Variants in DNAH1 observed in about 807,000 individuals in gnomAD.
The protein encoded by DNAH1 is dynein axonemal heavy chain 1.
In DNAH1, 327 loss-of-function variants were observed where a neutral mutation model predicts 484.3. The ratio of observed to expected loss-of-function variants is 0.68; its 90% confidence interval spans 0.62 to 0.74. DNAH1 has a LOEUF of 0.74. Ranked by LOEUF, DNAH1 falls within the 30% of genes least tolerant of loss-of-function variation. DNAH1 has a pLI of 0.00. For synonymous variants in DNAH1, 2,192 were observed against 2,191.9 expected (o/e 1.00, Z 0.00); for missense variants, 5,052 against 5,546.8 (o/e 0.91, Z 2.83).
intron 51 of DNAH1, 100 bp downstream of exon 51, chr3:52,383,694 TGAG>T: frequency 1.4e-6 from 2 of 1,421,296 alleles, no homozygotes; most frequent in Non-Finnish European, 1.9e-6. Context: ...GGGCCTGAGA[TGAG>T]GAGACGCGGC....
In DNAH1 at chr3:52,350,005, G is replaced by A. The variant is rs376029297; in HGVS notation, c.2543G>A (p.Arg848His). Residue 848 changes from arginine (R) to histidine (H), a missense_variant, in exon 15 of 78, where the codon CGC becomes CAC. This residue lies in a region of DNAH1 where 1,263 missense variants were observed against 1,218.8 expected (regional missense o/e 1.04). Transcript: ENST00000420323. ...KEVDSICEEFRSISRKIYEKP... is the reference protein window; with the variant it reads ...KEVDSICEEFHSISRKIYEKP... ...CACTGCCAGATCTGCGAGGAGTTCC[G>A]CAGCATCAGCCGCAAGATCTATGAG... 319 of 1,610,658 alleles carry A rather than the reference G, an allele frequency of 2.0e-4. 6 individuals carry two copies. In the South Asian group the frequency reaches 2.8e-3, roughly 14 times the overall value.
At chr3:52,346,201 G>A (rs561768807) in intron 10 of DNAH1, among the ~76,000 whole-genome samples, 1 of 152,154 alleles carries the variant, frequency 6.6e-6, no homozygotes, top group African/African-American at 2.4e-5. Flanking sequence ...TCTGTCTCTC[G>A]CTCACGGCTG....
chr3:52,327,174 C>T (rs902518822), intron 5 of DNAH1, among the ~76,000 whole-genome samples: 13 of 152,082 alleles, frequency 8.5e-5, no homozygotes, highest in Non-Finnish European at 1.3e-4. Context: ...AACCTAGATG[C>T]GGCCCAGCTG....
chr3:52,392,467 C>T lies in DNAH1; in HGVS notation c.10056C>T (p.Gly3352=). 6.2e-7 allele frequency: 1 copy of T among 1,613,470 alleles called. No homozygotes were observed. Among genetic ancestry groups the T allele is most frequent in the Non-Finnish European group, 8.5e-7 (1 of 1,179,866 alleles). Reference sequence around the variant, plus strand: ...TGGTGTCCCCTGCCCCCGGCAGTGGCCTAGAGGACCAGCTACTGGGCCAGG... The same window carrying T: ...TGGTGTCCCCTGCCCCCGGCAGTGGTCTAGAGGACCAGCTACTGGGCCAGG... The part of the protein sequence containing the change: ...TLINFTLSPS[G]LEDQLLGQVV... Residue 3352 remains glycine, a synonymous_variant, in exon 64 of 78, where the codon GGC becomes GGT. Coordinates refer to ENST00000420323, the MANE Select transcript of DNAH1 (RefSeq NM_015512.5).
At chr3:52,383,691 A>G (rs1237050069) in intron 51 of DNAH1, 97 bp downstream of exon 51, 6 of 1,423,508 alleles carry the variant, frequency 4.2e-6, no homozygotes, top group Non-Finnish European at 5.6e-6. Context: ...CTGGGGCCTG[A>G]GATGAGGAGA....
At chr3:52,342,518 C>T (rs1052448742) in intron 8 of DNAH1, among the ~76,000 whole-genome samples, 15 of 152,112 alleles carry the variant, frequency 9.9e-5, no homozygotes, top group Non-Finnish European at 8.8e-5. Flanking sequence ...GTTTCCTCAG[C>T]GGTGGAGCCA....
chr3:52,393,349 G>A lies in DNAH1; in HGVS notation c.10490G>A (p.Arg3497His), dbSNP rs373108486. The A allele has an allele frequency of 3.1e-6, 5 of 1,613,820 alleles. No individual in the cohort carries two copies. Among genetic ancestry groups the A allele is most frequent in the South Asian group, 1.1e-5 (1 of 91,082 alleles). ...CACTCCACAGACAACCTGAAGAAGC[G>A]CATCTCCAACATCAACCGCTACCTG... The part of the protein sequence containing the change: ...NSERADNLKK[R>H]ISNINRYLTY... The change falls in exon 66 of 78, where the codon CGC becomes CAC. Residue 3497 changes from arginine (R) to histidine (H), a missense_variant. By Grantham distance (29) the Arg-to-His change is conservative. This residue lies in a region of DNAH1 where 2,929 missense variants were observed against 3,409.4 expected (regional missense o/e 0.86). Coordinates refer to ENST00000420323, the MANE Select transcript of DNAH1 (RefSeq NM_015512.5).
In DNAH1 at chr3:52,353,273, G is replaced by C; in HGVS notation, c.3198G>C (p.Lys1066Asn). The C allele has an allele frequency of 1.2e-6, 2 of 1,613,964 alleles. No individual in the cohort carries two copies. Among genetic ancestry groups the C allele is most frequent in the Non-Finnish European group, 8.5e-7 (1 of 1,179,898 alleles). ...NVVEAFKTMH[K>N]CVKQFKDMPA... is the part of the protein sequence containing the mutation. Reference sequence around the variant, plus strand: ...TTGAAGCCTTCAAGACCATGCACAAGTGCGTGAAGCAGTTTAAGGACATGC... The same window carrying C: ...TTGAAGCCTTCAAGACCATGCACAACTGCGTGAAGCAGTTTAAGGACATGC... Residue 1066 changes from lysine (K) to asparagine (N), a missense_variant, in exon 19 of 78, where the codon AAG becomes AAC. This residue lies in a region of DNAH1 where 2,929 missense variants were observed against 3,409.4 expected (regional missense o/e 0.86). Coordinates refer to ENST00000420323, the MANE Select transcript of DNAH1 (RefSeq NM_015512.5). The surrounding 1 kb of genome is among the most constrained non-coding windows in gnomAD (Gnocchi z 5.0).
intron 3 of DNAH1, among the ~76,000 whole-genome samples, chr3:52,325,344 T>C (rs550660994): frequency 5.3e-5 from 8 of 152,158 alleles, no homozygotes; most frequent in Non-Finnish European, 8.8e-5. Context: ...CCTGGGACTC[T>C]GGACCCTTCT....
chr3:52,369,000 C>A lies in DNAH1; in HGVS notation c.5943+82C>A. ...TGCATCATGCTGGCCAAACTCTGCC[C>A]CCTCACCCCTTTCTCTCAGGGCCAT... On this transcript the variant is annotated intron_variant, in intron 37 of 77. Coordinates refer to ENST00000420323, the MANE Select transcript of DNAH1 (RefSeq NM_015512.5). The surrounding 1 kb of genome is among the most constrained non-coding windows in gnomAD (Gnocchi z 4.4). The A allele has an allele frequency of 6.7e-7, 1 of 1,496,706 alleles. No individual in the cohort carries two copies. Among genetic ancestry groups the A allele is most frequent in the Non-Finnish European group, 9.2e-7 (1 of 1,090,260 alleles). 92.7% of individuals were successfully genotyped at this position (1,496,706 alleles called of 1,614,324 possible).
chr3:52,347,769 C>G, intron 11 of DNAH1, 55 bp from the exon 12 acceptor site: 1 of 1,492,254 alleles, frequency 6.7e-7, no homozygotes, highest in Non-Finnish European at 9.0e-7. Flanking sequence ...GAGGGCTGCT[C>G]CTGCACACAG....
chr3:52,314,350 C>A (rs554190711), upstream of DNAH1, among the ~76,000 whole-genome samples: 17 of 152,326 alleles, frequency 1.1e-4, 1 homozygote, highest in South Asian at 3.3e-3. Flanking sequence ...GCATCCCCCC[C>A]TTGGGCCGCT....
At position 52,396,650 on chromosome 3, in the gene DNAH1, G is replaced by A. The variant is rs1168611629; in HGVS notation, c.11463G>A (p.Leu3821=). The A allele has an allele frequency of 2.5e-6, 4 of 1,613,442 alleles. No individual in the cohort carries two copies. Among genetic ancestry groups the A allele is most frequent in the Non-Finnish European group, 2.5e-6 (3 of 1,179,802 alleles). The change falls in exon 72 of 78, where the codon CTG becomes CTA. Residue 3821 remains leucine (L), a synonymous_variant. Coordinates refer to ENST00000420323, the MANE Select transcript of DNAH1 (RefSeq NM_015512.5). ...VMEFKSLLLS[L]CLFHGNALER... is the part of the protein sequence containing the mutation. ...AGTTCAAGTCTCTGCTGCTGTCTCTGTGCTTGTTCCATGGGAACGCCCTGG... is the reference window on the plus strand; with the variant it reads ...AGTTCAAGTCTCTGCTGCTGTCTCTATGCTTGTTCCATGGGAACGCCCTGG...
Position 52,381,669 on chromosome 3 carries a change from G to A in DNAH1, c.7638G>A (p.Glu2546=), listed in dbSNP as rs1703850685. Reference sequence around the variant, plus strand: ...TGCAGGTGATAGAGGAGTACATAGAGGACTACAACCAGATCAACACGGCCA... The same window carrying A: ...TGCAGGTGATAGAGGAGTACATAGAAGACTACAACCAGATCAACACGGCCA... ...KMMQVIEEYI[E]DYNQINTAKL... is the part of the protein sequence containing the mutation. Residue 2546 remains glutamate (E), a synonymous_variant, in exon 49 of 78, where the codon GAG becomes GAA. Coordinates refer to ENST00000420323, the MANE Select transcript of DNAH1 (RefSeq NM_015512.5). The surrounding 1 kb of genome is among the most constrained non-coding windows in gnomAD (Gnocchi z 4.1). 11 of 1,608,764 alleles carry A rather than the reference G, an allele frequency of 6.8e-6. No individual in the cohort carries two copies. Among genetic ancestry groups the A allele is most frequent in the Non-Finnish European group, 9.3e-6 (11 of 1,177,844 alleles).
In DNAH1 at chr3:52,378,731, T is replaced by G; in HGVS notation, c.7328T>G (p.Leu2443Arg). 1 of 1,613,712 alleles carries G rather than the reference T, an allele frequency of 6.2e-7. No individual in the cohort carries two copies. ...CACTACACCTTCAACCTGAGGGACC[T>G]CTCCAAGGTCTTCCAAGGCATGCTC... ...KSHYTFNLRD[L>R]SKVFQGMLMA... The change falls in exon 47 of 78, where the codon CTC becomes CGC. Residue 2443 changes from leucine to arginine, a missense_variant. Coordinates refer to ENST00000420323, the MANE Select transcript of DNAH1 (RefSeq NM_015512.5).
In DNAH1 at chr3:52,370,759, C is replaced by T. The variant is rs1578159396; in HGVS notation, c.6459C>T (p.Tyr2153=). 2.5e-6 allele frequency: 4 copies of T among 1,608,414 alleles called. No homozygotes were observed. The East Asian group carries it at 9.0e-5, about 36-fold the overall frequency. Residue 2153 remains tyrosine (Y), a synonymous_variant, in exon 41 of 78, where the codon TAC becomes TAT. Coordinates refer to ENST00000420323, the MANE Select transcript of DNAH1 (RefSeq NM_015512.5). ...CAGAAGAGGGGCTGGTGTTCGATTA[C>T]AGGCTGGAGGACGCGGGCATCAGTG... The part of the protein sequence containing the change: ...LFPEEGLVFD[Y]RLEDAGISGT...
At chr3:52,390,750 G>A (rs963740524) in intron 60 of DNAH1, among the ~76,000 whole-genome samples, 185 bp from the exon 61 acceptor site, 7 of 152,228 alleles carry the variant, frequency 4.6e-5, no homozygotes, top group African/African-American at 1.7e-4. Context: ...GCCCAGGAGC[G>A]AGGGAGAGGC....
intron 60 of DNAH1, among the ~76,000 whole-genome samples, chr3:52,390,227 G>C (rs1704312544): frequency 6.6e-6 from 1 of 152,348 alleles, no homozygotes; most frequent in Admixed American, 6.5e-5. Context: ...CACTTTGGGA[G>C]GCCAAGGCAA....
At chr3:52,383,057 G>A (rs933766160) in intron 50 of DNAH1, among the ~76,000 whole-genome samples, 3 of 152,198 alleles carry the variant, frequency 2.0e-5, no homozygotes, top group African/African-American at 7.2e-5. Flanking sequence ...TGTATGAGAT[G>A]GGCAAGGACC....
Sources: allele counts gnomAD v4.1 joint callset (sites outside exome capture counted in the v4.1 genomes callset), GRCh38; gene constraint gnomAD v4.1.1; regional missense constraint gnomAD v4.1.1; non-coding constraint Gnocchi (gnomAD v3.1); transcripts MANE v1.5; gene names NCBI Gene and HGNC (gene_info 2026-07-23, HGNC 2026-07-21).